Variants in SFT2D2 observed in about 807,000 individuals in gnomAD.
SFT2D2 encodes the protein SFT2 domain containing 2, also known as vesicle transport protein SFT2B.
Under a neutral mutation model 27.4 loss-of-function variants are expected in SFT2D2, and 21 were observed. That is an observed-to-expected ratio of 0.77 (90% confidence interval 0.54 to 1.10). The LOEUF is 1.10. Among genes scored for constraint, SFT2D2 ranks in the 50% least tolerant of loss-of-function variants. The pLI is 0.00. For synonymous variants in SFT2D2, 72 were observed against 71.7 expected (o/e 1.00, Z -0.02); for missense variants, 187 against 194.2 (o/e 0.96, Z 0.22).
At chr1:168,226,181 C>G (rs1300584872) in intron 1 of SFT2D2, 39 bp downstream of exon 1, 4 of 1,514,254 alleles carry the variant, frequency 2.6e-6, no homozygotes, top group Middle Eastern at 2.3e-4. Flanking sequence ...TCTCGCCGCG[C>G]TCCCGCCCTG....
rs534074878 is a variant in SFT2D2 at position 168,247,633 on chromosome 1, A to G, written c.*5093A>G. 6.6e-6 allele frequency: 1 copy of G among 152,522 alleles called. No individual in the cohort carries two copies. The highest frequency in any genetic ancestry group is 2.1e-4 in the South Asian group (1 of 4,834). The allele number at this position is 152,522 out of a possible 1,614,324, so 9.4% of individuals were successfully genotyped here. ...TGTTGTGAACAATGCTGCAGTAAAC[A>G]TACATGTGCATGTGTCTTTATAGTA... On this transcript the variant is annotated 3_prime_UTR_variant, in exon 8 of 8. Transcript: ENST00000271375.
Position 168,252,227 on chromosome 1 carries a change from A to T in SFT2D2, c.*9687A>T, listed in dbSNP as rs914461999. 1 of 152,254 alleles carries T rather than the reference A, an allele frequency of 6.6e-6. No homozygotes were observed. The highest frequency in any genetic ancestry group is 1.5e-5 in the Non-Finnish European group (1 of 68,054). The allele number at this position is 152,254 out of a possible 1,614,324, so 9.4% of individuals were successfully genotyped here. A position where few individuals can be genotyped will look rare whatever the true frequency, so the allele number is the denominator to read the frequency against. On this transcript the variant is annotated 3_prime_UTR_variant, in exon 8 of 8. Transcript: ENST00000271375. ...TTTTTGTAGACAGGATGATCTGTCT[A>T]GATTGTAGCAAATGATGGTACATAT...
At chr1:168,230,953 A>G (rs1647255239) in intron 1 of SFT2D2, among the ~76,000 whole-genome samples, 1 of 152,238 alleles carries the variant, frequency 6.6e-6, no homozygotes, top group Non-Finnish European at 1.5e-5. Context: ...TCTGTCTCCC[A>G]CTTGGATGAG....
chr1:168,231,380 C>T (rs1647282773), intron 1 of SFT2D2, 134 bp from the exon 2 acceptor site: 7 of 687,816 alleles, frequency 1.0e-5, no homozygotes, highest in Non-Finnish European at 1.7e-5. Context: ...TGATGACTTA[C>T]ATCGCCTGAG....
intron 7 of SFT2D2, 83 bp downstream of exon 7, chr1:168,239,243 T>C (rs1340031937): frequency 7.3e-6 from 8 of 1,092,816 alleles, no homozygotes; most frequent in African/African-American, 3.1e-5. Context: ...ATTTTATTTA[T>C]CTTTACTGAA....
intron 4 of SFT2D2, among the ~76,000 whole-genome samples, 156 bp downstream of exon 4, chr1:168,235,338 T>C (rs1470574672): frequency 7.2e-5 from 11 of 152,196 alleles, no homozygotes. Flanking sequence ...GGGAACACTC[T>C]AAGTAATACT....
At chr1:168,235,026 A>G in intron 3 of SFT2D2, 75 bp from the exon 4 acceptor site, 1 of 1,277,646 alleles carries the variant, frequency 7.8e-7, no homozygotes, top group South Asian at 1.2e-5. Context: ...GCCACAGGAA[A>G]TCTTGGGGAG....
chr1:168,241,931 TGTG>T (rs953902135), intron 7 of SFT2D2, among the ~76,000 whole-genome samples: 14 of 152,250 alleles, frequency 9.2e-5, no homozygotes, highest in African/African-American at 3.4e-4. Context: ...CACAGTGTGG[TGTG>T]GTGGTGGAAA....
intron 1 of SFT2D2, among the ~76,000 whole-genome samples, chr1:168,227,861 G>A (rs190880754): frequency 6.6e-6 from 1 of 152,282 alleles, no homozygotes; most frequent in Non-Finnish European, 1.5e-5. Flanking sequence ...TTATTGTCTC[G>A]AAAATCATCA....
intron 7 of SFT2D2, among the ~76,000 whole-genome samples, chr1:168,240,290 A>G (rs1423252417): frequency 3.3e-5 from 5 of 152,114 alleles, no homozygotes; most frequent in Admixed American, 3.3e-4. Context: ...AGTGATTTGA[A>G]AGTATTGAGG....
intron 1 of SFT2D2, 119 bp downstream of exon 1, chr1:168,226,261 CT>C (rs1700457478): frequency 1.2e-6 from 1 of 817,830 alleles, no homozygotes; most frequent in Non-Finnish European, 1.8e-6. Flanking sequence ...TCTGCCCCTT[CT>C]CCTCCTCTTC....
chr1:168,231,173 T>C (rs1359682917), intron 1 of SFT2D2, among the ~76,000 whole-genome samples: 1 of 152,158 alleles, frequency 6.6e-6, no homozygotes, highest in Admixed American at 6.5e-5. Context: ...GGTGTGGTCT[T>C]CATCCTGCCT....
chr1:168,235,853 T>C lies in SFT2D2; in HGVS notation c.318+671T>C, dbSNP rs577685803. ...CATTTGGAACTTGAAGAACATACTT[T>C]TATTTTTAGTTTCATTTATATAATC... On this transcript the variant is annotated intron_variant, in intron 4 of 7. Transcript: ENST00000271375. Among the ~76,000 whole-genome samples, 44 of 152,382 alleles carry C rather than the reference T, an allele frequency of 2.9e-4. 3 individuals are homozygous for C. In the South Asian group the frequency reaches 8.9e-3, roughly 31 times the overall value.
chr1:168,239,457 GT>G (rs34187475), intron 7 of SFT2D2, among the ~76,000 whole-genome samples: 4,004 of 129,492 alleles, frequency 0.031, 97 homozygotes, highest in African/African-American at 0.093. Context: ...TTTGAGTAGG[GT>G]TTTTTTTTTT....
chr1:168,239,034 T>A, intron 6 of SFT2D2, 97 bp from the exon 7 acceptor site: 1 of 915,390 alleles, frequency 1.1e-6, no homozygotes, highest in Non-Finnish European at 1.8e-6. Flanking sequence ...TCTGGATAGA[T>A]CACTGCAGGT....
At chr1:168,235,685 G>T (rs1438563630) in intron 4 of SFT2D2, among the ~76,000 whole-genome samples, 1 of 152,128 alleles carries the variant, frequency 6.6e-6, no homozygotes, top group Admixed American at 6.5e-5. Context: ...CTTGTACCCT[G>T]CTCTGACAAC....
chr1:168,241,932 G>C (rs1423615224), intron 7 of SFT2D2, among the ~76,000 whole-genome samples: 1 of 152,166 alleles, frequency 6.6e-6, no homozygotes, highest in Non-Finnish European at 1.5e-5. Context: ...ACAGTGTGGT[G>C]TGGTGGTGGA....
rs947199410 is a variant in SFT2D2 at position 168,243,720 on chromosome 1, A to G, written c.*1180A>G. On this transcript the variant is annotated 3_prime_UTR_variant, in exon 8 of 8. Transcript: ENST00000271375. ...CCCACACTGGTTTTTGGATCCACCCAAAGCCACAGCTTCAGCCTCCTTCAT... is the reference window on the plus strand; with the variant it reads ...CCCACACTGGTTTTTGGATCCACCCGAAGCCACAGCTTCAGCCTCCTTCAT... 1 of 152,684 alleles carries G rather than the reference A, an allele frequency of 6.5e-6. No individual in the cohort carries two copies. The highest frequency in any genetic ancestry group is 2.4e-5 in the African/African-American group (1 of 41,458). The allele number at this position is 152,684 out of a possible 1,614,324, so 9.5% of individuals were successfully genotyped here. A position where few individuals can be genotyped will look rare whatever the true frequency, so the allele number is the denominator to read the frequency against.
In SFT2D2 at chr1:168,236,587, A is replaced by G; in HGVS notation, c.319-2A>G. 2 of 1,610,128 alleles carry G rather than the reference A, an allele frequency of 1.2e-6. No homozygotes were observed. Among genetic ancestry groups the G allele is most frequent in the Non-Finnish European group, 1.7e-6 (2 of 1,178,962 alleles). On this transcript the variant is annotated splice_acceptor_variant, in intron 4 of 7. Coordinates refer to ENST00000271375, the MANE Select transcript of SFT2D2 (RefSeq NM_199344.3). LOFTEE classifies it high-confidence loss of function. ...TAATTAATGTTTCCTTTCTTCCTTT[A>G]GTTGTGTTTTGCACTTACCCTGTGT...
Sources: allele counts gnomAD v4.1 joint callset (sites outside exome capture counted in the v4.1 genomes callset), GRCh38; gene constraint gnomAD v4.1.1; transcripts MANE v1.5; gene names NCBI Gene and HGNC (gene_info 2026-07-23, HGNC 2026-07-21).